The following GALNT13 variants were observed in gnomAD, a reference collection of about 807,000 sequenced individuals.
GALNT13 encodes polypeptide N-acetylgalactosaminyltransferase 13.
Under a neutral mutation model 64.2 loss-of-function variants are expected in GALNT13, and 28 were observed. That is an observed-to-expected ratio of 0.44 (90% CI 0.32 to 0.60). The LOEUF (loss-of-function observed/expected upper bound fraction) is 0.60. Among genes scored for constraint, GALNT13 ranks in the 20% least tolerant of loss-of-function variants. The pLI, the probability that GALNT13 is intolerant of heterozygous loss-of-function variation, is 0.05. For missense variants in GALNT13, 577 were observed against 669.8 expected, an observed-to-expected ratio of 0.86 and a Z score of 1.53; for synonymous variants, 214 against 224.6, an observed-to-expected ratio of 0.95 and a Z score of 0.42.
the GALNT13 span, among the ~76,000 whole-genome samples, chr2:153,321,751 T>G: frequency 6.6e-6 from 1 of 152,204 alleles, no homozygotes; most frequent in Non-Finnish European, 1.5e-5. Context: ...ACATGGGTGC[T>G]GGGCAGTGAC....
intron 3 of GALNT13, among the ~76,000 whole-genome samples, chr2:154,001,511 A>G (rs372013741): frequency 8.6e-5 from 13 of 152,036 alleles, no homozygotes; most frequent in African/African-American, 2.9e-4. Flanking sequence ...AGCTGATACC[A>G]TCTTAACTTT....
At chr2:153,931,187 A>G (rs907264648) in intron 2 of GALNT13, among the ~76,000 whole-genome samples, 2 of 149,088 alleles carry the variant, frequency 1.3e-5, no homozygotes, top group South Asian at 2.1e-4. Flanking sequence ...ATTTTTGTAC[A>G]TTGATTTTGT....
At chr2:153,684,885 G>T in the GALNT13 span, among the ~76,000 whole-genome samples, 1 of 151,616 alleles carries the variant, frequency 6.6e-6, no homozygotes, top group East Asian at 1.9e-4. Context: ...GCTCCCAATT[G>T]TGAGTGTGAA....
At chr2:154,153,917 ACGCAGGATG>A (rs1187091416) in intron 4 of GALNT13, among the ~76,000 whole-genome samples, 1 of 152,174 alleles carries the variant, frequency 6.6e-6, no homozygotes, top group Non-Finnish European at 1.5e-5. Context: ...GCTTCGGCTC[ACGCAGGATG>A]CGCTGCACCC....
At chr2:153,266,092 A>T in the GALNT13 span, among the ~76,000 whole-genome samples, 1 of 152,198 alleles carries the variant, frequency 6.6e-6, no homozygotes, top group Admixed American at 6.5e-5. Flanking sequence ...GAAACCAAAA[A>T]ATTTGTGTGA....
the GALNT13 span, among the ~76,000 whole-genome samples, chr2:153,467,750 C>A: frequency 1.1e-3 from 162 of 152,066 alleles, no homozygotes; most frequent in Middle Eastern, 3.4e-3. Context: ...TAAGTATCAA[C>A]AAGAATTTAT....
chr2:153,269,897 C>T, the GALNT13 span, among the ~76,000 whole-genome samples: 1 of 152,110 alleles, frequency 6.6e-6, no homozygotes, highest in Non-Finnish European at 1.5e-5. Context: ...ATCATAAGAA[C>T]AGTATGGGGG....
At chr2:153,723,687 G>A in the GALNT13 span, among the ~76,000 whole-genome samples, 4 of 152,038 alleles carry the variant, frequency 2.6e-5, no homozygotes, top group Non-Finnish European at 5.9e-5. Flanking sequence ...CAAATCATGA[G>A]TGAACTCCCA....
chr2:153,881,958 G>T (rs902211051), intron 1 of GALNT13, among the ~76,000 whole-genome samples: 23 of 152,000 alleles, frequency 1.5e-4, no homozygotes, highest in Admixed American at 2.6e-4. Flanking sequence ...TAATAATTTT[G>T]TTGGCTCTTG....
chr2:153,151,887 G>A, the GALNT13 span, among the ~76,000 whole-genome samples: 2 of 151,940 alleles, frequency 1.3e-5, no homozygotes, highest in South Asian at 2.1e-4. Flanking sequence ...GTTAAATGAC[G>A]AGTTACTGGG....
chr2:153,268,116 C>T, the GALNT13 span, among the ~76,000 whole-genome samples: 1 of 152,144 alleles, frequency 6.6e-6, no homozygotes, highest in Non-Finnish European at 1.5e-5. Flanking sequence ...TCCAGCATTA[C>T]CCAAAAATCC....
the GALNT13 span, among the ~76,000 whole-genome samples, chr2:153,467,150 C>T: frequency 9.2e-5 from 14 of 151,898 alleles, no homozygotes; most frequent in Admixed American, 9.2e-4. Flanking sequence ...TATATGTGAA[C>T]ATTAGAGACC....
intron 4 of GALNT13, among the ~76,000 whole-genome samples, chr2:154,199,607 C>T (rs1176672771): frequency 6.6e-6 from 1 of 151,814 alleles, no homozygotes; most frequent in Non-Finnish European, 1.5e-5. Context: ...ACAGTGGAAG[C>T]TAAACAAGAT....
chr2:154,454,946 A>G (rs1422775929), downstream of GALNT13, among the ~76,000 whole-genome samples: 4 of 152,100 alleles, frequency 2.6e-5, no homozygotes, highest in African/African-American at 7.2e-5. Context: ...TAGACCACCT[A>G]TTACTGTGAA....
the GALNT13 span, among the ~76,000 whole-genome samples, chr2:153,670,229 G>A: frequency 4.6e-5 from 7 of 152,166 alleles, no homozygotes; most frequent in African/African-American, 1.4e-4. Context: ...ATAATGGACA[G>A]AGTGCCTCCT....
chr2:153,457,358 A>G, the GALNT13 span, among the ~76,000 whole-genome samples: 1 of 152,246 alleles, frequency 6.6e-6, no homozygotes. Context: ...GAACAGATAT[A>G]GCTAATAAAA....
At chr2:153,598,652 T>G in the GALNT13 span, among the ~76,000 whole-genome samples, 1 of 152,108 alleles carries the variant, frequency 6.6e-6, no homozygotes, top group Non-Finnish European at 1.5e-5. Flanking sequence ...AAGTACACAG[T>G]ACTACTGACT....
the GALNT13 span, among the ~76,000 whole-genome samples, chr2:153,275,125 C>T: frequency 1.9e-4 from 29 of 152,250 alleles, no homozygotes; most frequent in African/African-American, 6.0e-4. Flanking sequence ...TCCACAACCT[C>T]GATTCCTCAA....
the GALNT13 span, among the ~76,000 whole-genome samples, chr2:153,266,374 T>A: frequency 6.6e-6 from 1 of 152,218 alleles, no homozygotes; most frequent in Admixed American, 6.5e-5. Flanking sequence ...ACTCTAAATG[T>A]AAATTCGTGT....
Sources: allele counts gnomAD v4.1 joint callset (sites outside exome capture counted in the v4.1 genomes callset), GRCh38; gene constraint gnomAD v4.1.1; transcripts MANE v1.5; gene names NCBI Gene and HGNC (gene_info 2026-07-23, HGNC 2026-07-21).